Variants in ADAM9 observed in about 807,000 individuals in gnomAD.
ADAM9 encodes disintegrin and metalloproteinase domain-containing protein 9.
ADAM9 carries 54 observed loss-of-function variants against 108.1 expected under a neutral mutation model. The ratio of observed to expected loss-of-function variants is 0.50; its 90% CI spans 0.40 to 0.63. ADAM9 has a LOEUF of 0.63. Ranked by LOEUF, ADAM9 falls within the 20% of genes least tolerant of loss-of-function variation. ADAM9 has a pLI of 0.00. For missense variants in ADAM9, 830 were observed against 997.7 expected (o/e 0.83, Z 2.26); for synonymous variants, 316 against 336.0 (o/e 0.94, Z 0.65).
chr8:39,062,796 T>G (rs1334256655), intron 14 of ADAM9, among the ~76,000 whole-genome samples: 1 of 152,248 alleles, frequency 6.6e-6, no homozygotes, highest in African/African-American at 2.4e-5. Context: ...ACAAATTTAT[T>G]TCTTACAGTC....
Position 39,016,206 on chromosome 8 carries a change from C to G in ADAM9, c.410+12C>G, listed in dbSNP as rs766217753. On this transcript the variant is annotated intron_variant, in intron 5 of 21. Coordinates refer to ENST00000487273, the MANE Select transcript of ADAM9 (RefSeq NM_003816.3). Reference sequence around the variant, plus strand: ...TGTTTTGGACTCAGGTAAGCAATTTCCTTTATCTTCTTTTTTTTTGTTTCC... The same window carrying G: ...TGTTTTGGACTCAGGTAAGCAATTTGCTTTATCTTCTTTTTTTTTGTTTCC... The G allele has an allele frequency of 2.5e-6, 4 of 1,607,300 alleles. No homozygotes were observed. Among genetic ancestry groups the G allele is most frequent in the Non-Finnish European group, 3.4e-6 (4 of 1,174,036 alleles).
At chr8:39,089,336 T>C (rs1368203260) in intron 18 of ADAM9, among the ~76,000 whole-genome samples, 1 of 152,194 alleles carries the variant, frequency 6.6e-6, no homozygotes, top group Non-Finnish European at 1.5e-5. Context: ...ACCTGCCTGG[T>C]TGGCAAAAAT....
At chr8:39,094,365 G>T (rs2129443368) in intron 20 of ADAM9, among the ~76,000 whole-genome samples, 1 of 152,290 alleles carries the variant, frequency 6.6e-6, no homozygotes, top group Middle Eastern at 3.4e-3. Context: ...GTTCATAAAG[G>T]ATATTGGCCT....
chr8:39,091,643 C>T (rs1215285528), intron 20 of ADAM9, among the ~76,000 whole-genome samples: 4 of 152,072 alleles, frequency 2.6e-5, no homozygotes, highest in Non-Finnish European at 5.9e-5. Context: ...TGTACCACCA[C>T]GCCTGGCTAA....
chr8:39,014,111 A>T (rs570001592), intron 4 of ADAM9, 68 bp downstream of exon 4: 65 of 1,289,392 alleles, frequency 5.0e-5, no homozygotes, highest in Non-Finnish European at 1.0e-5. Flanking sequence ...TGAGTTCTGT[A>T]TAGGCACTCA....
intron 9 of ADAM9, among the ~76,000 whole-genome samples, chr8:39,025,201 C>A (rs1836879907): frequency 6.6e-6 from 1 of 152,164 alleles, no homozygotes; most frequent in African/African-American, 2.4e-5. Flanking sequence ...AATGATTCTT[C>A]TGCCTCAGCC....
intron 14 of ADAM9, among the ~76,000 whole-genome samples, chr8:39,059,161 T>C (rs1838217455): frequency 2.0e-5 from 3 of 152,218 alleles, no homozygotes. Flanking sequence ...TAGAATATTA[T>C]GATGGTGGGG....
chr8:39,045,395 C>CACACCTATATGTGCGTGTGTGT lies in ADAM9; in HGVS notation c.1302+3282_1302+3283insCTATATGTGCGTGTGTGTACAC, dbSNP rs1564301402. On this transcript the variant is annotated intron_variant, in intron 12 of 21. Transcript: ENST00000487273. ...GTACATACACCTATAGGTGTGTGTA[C>CACACCTATATGTGCGTGTGTGT]ACACACCTATATGTGCGCGTGTGTA... Among the ~76,000 whole-genome samples the CACACCTATATGTGCGTGTGTGT allele has an allele frequency of 5.6e-4, 61 of 109,260 alleles. 7 individuals carry two copies. Among genetic ancestry groups the CACACCTATATGTGCGTGTGTGT allele is most frequent in the Non-Finnish European group, 9.2e-4 (49 of 53,250 alleles). The allele number at this position is 109,260 out of a possible 152,430, so 71.7% of individuals were successfully genotyped here. A position where few individuals can be genotyped will look rare whatever the true frequency, so the allele number is the denominator to read the frequency against.
chr8:39,018,925 T>C lies in ADAM9; in HGVS notation c.672+7T>C, dbSNP rs768293074. ...TGTCGTAGACAAGGAAAGGGTAAGA[T>C]TGGTGACAATTTTTCTTCTTTTCCA... On this transcript the variant is annotated splice_region_variant and intron_variant, in intron 7 of 21. Transcript: ENST00000487273. The C allele has an allele frequency of 2.9e-5, 46 of 1,613,688 alleles. No individual in the cohort carries two copies. The highest frequency in any genetic ancestry group is 2.1e-4 in the South Asian group (19 of 91,080).
rs115297767 is a variant in ADAM9, at chr8:39,075,622, T to C, written c.1698-1606T>C. On this transcript the variant is annotated intron_variant, in intron 15 of 21. Transcript: ENST00000487273. ...GCTAATTTTTCTGTTGAAGTGATTT[T>C]CTTTGTCTTAATGATTTGTAACAGC... is the stretch of plus-strand genomic sequence containing the variant. 5.6e-3 allele frequency among the ~76,000 whole-genome samples: 856 copies of C among 152,358 alleles called. 13 individuals carry two copies. The highest frequency in any genetic ancestry group is 0.02 in the African/African-American group (823 of 41,582).
intron 18 of ADAM9, among the ~76,000 whole-genome samples, chr8:39,088,928 G>C (rs943914509): frequency 6.6e-6 from 1 of 152,102 alleles, no homozygotes; most frequent in Non-Finnish European, 1.5e-5. Flanking sequence ...AAAGGACTGA[G>C]CAGAAAAAAA....
chr8:39,078,008 A>G (rs920686630), intron 16 of ADAM9, among the ~76,000 whole-genome samples: 1 of 152,186 alleles, frequency 6.6e-6, no homozygotes, highest in South Asian at 2.1e-4. Flanking sequence ...AGCCATATAC[A>G]AGAGATATGA....
chr8:39,029,767 G>C (rs1414354344), intron 11 of ADAM9, among the ~76,000 whole-genome samples: 2 of 152,070 alleles, frequency 1.3e-5, no homozygotes, highest in Non-Finnish European at 2.9e-5. Flanking sequence ...GTGTGTTGTT[G>C]AGTTCTGTTT....
At chr8:39,091,417 A>T in intron 20 of ADAM9, 71 bp downstream of exon 20, 3 of 1,297,712 alleles carry the variant, frequency 2.3e-6, no homozygotes. Flanking sequence ...TTAAAAACAC[A>T]GTTATATAGC....
intron 20 of ADAM9, among the ~76,000 whole-genome samples, chr8:39,095,650 C>G (rs905767425): frequency 6.6e-6 from 1 of 152,088 alleles, no homozygotes; most frequent in African/African-American, 2.4e-5. Flanking sequence ...TGTTTAAAGT[C>G]TAGTTTGAGC....
chr8:39,042,278 C>T (rs1411629731), intron 12 of ADAM9, among the ~76,000 whole-genome samples, 161 bp downstream of exon 12: 1 of 152,190 alleles, frequency 6.6e-6, no homozygotes. Flanking sequence ...AGGGATTGGT[C>T]ATCTCCTTCT....
chr8:39,062,142 A>T (rs1306257711), intron 14 of ADAM9, among the ~76,000 whole-genome samples: 1 of 152,182 alleles, frequency 6.6e-6, no homozygotes, highest in Non-Finnish European at 1.5e-5. Context: ...GCTTCAACAG[A>T]TGAATTATGG....
At position 39,026,818 on chromosome 8, in the gene ADAM9, C is replaced by G. The variant is rs368693989; in HGVS notation, c.1130+8C>G. On this transcript the variant is annotated splice_region_variant and intron_variant, in intron 11 of 21. Transcript: ENST00000487273. ...CATGAATTCAGGAGCATCGTGAGTA[C>G]CTGGGTTCTTCTTCTCCTTTATTTG... 134 of 1,500,358 alleles carry G rather than the reference C, an allele frequency of 8.9e-5. No homozygotes were observed. Among genetic ancestry groups the G allele is most frequent in the Non-Finnish European group, 1.1e-4 (127 of 1,128,816 alleles). 92.9% of individuals were successfully genotyped at this position (1,500,358 alleles called of 1,614,324 possible).
chr8:39,069,084 A>G (rs1361403121), intron 14 of ADAM9, among the ~76,000 whole-genome samples: 1 of 152,144 alleles, frequency 6.6e-6, no homozygotes, highest in African/African-American at 2.4e-5. Context: ...TCTCCGAGGA[A>G]TTCTACGGTG....
Sources: gnomAD v4.1 joint callset for allele counts (sites outside exome capture counted in the v4.1 genomes callset) on GRCh38, gnomAD v4.1.1 for gene constraint, MANE v1.5 for transcripts, NCBI Gene and HGNC (gene_info 2026-07-23, HGNC 2026-07-21) for gene names.